SMARCAD1: variants seen among roughly 807,000 people sequenced by gnomAD.
SMARCAD1 encodes SNF2 related chromatin remodeling ATPase with DExD box 1, also known as SWI/SNF-related matrix-associated actin-dependent regulator of chromatin subfamily A containing DEAD/H box 1.
A neutral mutation model predicts 127.1 loss-of-function variants in SMARCAD1; 25 were observed. The ratio of observed to expected loss-of-function variants is 0.20; its 90% CI spans 0.14 to 0.27. The LOEUF is 0.27. SMARCAD1 is among the 10% of genes least tolerant of loss of function. SMARCAD1 has a pLI of 1.00. For synonymous variants in SMARCAD1, 400 were observed against 396.9 expected (o/e 1.01, Z -0.09); for missense variants, 807 against 1,206.0 (o/e 0.67, Z 4.90).
chr4:94,264,740 G>A lies in SMARCAD1; in HGVS notation c.1315G>A (p.Glu439Lys). Reference protein sequence around the residue: ...TKMSKTNGLSEDLIWHCKTLI... With the variant: ...TKMSKTNGLSKDLIWHCKTLI... ...GATGTCCAAAACTAATGGCTTATCA[G>A]AAGATTTGATATGGCACTGTAAAAC... The change falls in exon 10 of 24, where the codon GAA becomes AAA. Residue 439 changes from glutamate (E) to lysine (K), a missense_variant. Around this residue, in one of 8 missense-constraint regions of SMARCAD1, gnomAD observed 257 missense variants for 303.4 expected, o/e 0.85. Coordinates refer to ENST00000354268, the MANE Select transcript of SMARCAD1 (RefSeq NM_020159.5). The A allele has an allele frequency of 1.2e-6, 2 of 1,612,136 alleles. No homozygotes were observed. The highest frequency in any genetic ancestry group is 1.7e-4 in the Middle Eastern group (1 of 5,932).
intron 2 of SMARCAD1, among the ~76,000 whole-genome samples, chr4:94,208,924 A>C (rs990758447): frequency 2.0e-5 from 3 of 152,184 alleles, no homozygotes; most frequent in Non-Finnish European, 4.4e-5. Flanking sequence ...TTGGGCAGAC[A>C]TTTTCATTCA....
At chr4:94,258,504 C>T (rs1287436393) in intron 9 of SMARCAD1, among the ~76,000 whole-genome samples, 1 of 152,124 alleles carries the variant, frequency 6.6e-6, no homozygotes, top group African/African-American at 2.4e-5. Flanking sequence ...GGAATCTTAT[C>T]ACCTGCTCTG....
chr4:94,278,395 A>G, intron 16 of SMARCAD1, 27 bp from the exon 17 acceptor site: 1 of 1,560,910 alleles, frequency 6.4e-7, no homozygotes, highest in Non-Finnish European at 8.8e-7. Flanking sequence ...AATAATTCCT[A>G]AAAGGATATG....
chr4:94,267,452 G>A (rs1160641150), intron 10 of SMARCAD1, among the ~76,000 whole-genome samples: 3 of 152,078 alleles, frequency 2.0e-5, no homozygotes, highest in African/African-American at 7.2e-5. Context: ...CTCTAGCCCT[G>A]TATTTCTGTA....
intron 2 of SMARCAD1, among the ~76,000 whole-genome samples, chr4:94,213,317 T>C (rs1742587493): frequency 6.6e-6 from 1 of 152,140 alleles, no homozygotes; most frequent in South Asian, 2.1e-4. Context: ...TGGAGTGGAC[T>C]CTAAACAATG....
chr4:94,276,274 A>G, intron 14 of SMARCAD1, 65 bp from the exon 15 acceptor site: 1 of 1,574,860 alleles, frequency 6.3e-7, no homozygotes, highest in South Asian at 1.1e-5. Context: ...ATAAGACATT[A>G]AATTTCACTA....
chr4:94,253,320 G>A (rs1297716427), intron 9 of SMARCAD1: 3 of 1,345,220 alleles, frequency 2.2e-6, no homozygotes, highest in African/African-American at 2.9e-5. Flanking sequence ...CATTTAGGAA[G>A]GAGTTGTTTG....
intron 9 of SMARCAD1, among the ~76,000 whole-genome samples, chr4:94,257,679 G>GC (rs1024140406): frequency 1.3e-5 from 2 of 151,038 alleles, no homozygotes; most frequent in Non-Finnish European, 3.0e-5. Context: ...CTTGTTCTCC[G>GC]CCCCCACAAA....
rs1338209210 is a variant in SMARCAD1, at chr4:94,268,511, AC to A, written c.1482-2216del. On this transcript the variant is annotated intron_variant, in intron 10 of 23. Transcript: ENST00000354268. ...TTGTGAGCCTTATGTGAATAGGATG[AC>A]TAAAGAATTGGGAAGGATGCATAAA... Among the ~76,000 whole-genome samples, 6 of 152,226 alleles carry A rather than the reference AC, an allele frequency of 3.9e-5. No individual in the cohort carries two copies. In the South Asian group the frequency reaches 1.2e-3, roughly 32 times the overall value.
Position 94,290,571 on chromosome 4 carries a change from T to G in SMARCAD1, c.*1037T>G, listed in dbSNP as rs1755553438. On this transcript the variant is annotated 3_prime_UTR_variant, in exon 24 of 24. Transcript: ENST00000354268. ...ATATATTTTACCAGTTTCCAGAATTTCCAGTACAGGACCGCCTGAAGAGAG... is the reference window on the plus strand; with the variant it reads ...ATATATTTTACCAGTTTCCAGAATTGCCAGTACAGGACCGCCTGAAGAGAG... 2.2e-6 allele frequency: 1 copy of G among 454,388 alleles called. No individual in the cohort carries two copies. Among genetic ancestry groups the G allele is most frequent in the African/African-American group, 2.0e-5 (1 of 50,008 alleles). 28.1% of individuals were successfully genotyped at this position (454,388 alleles called of 1,614,324 possible). A position where few individuals can be genotyped will look rare whatever the true frequency, so the allele number is the denominator to read the frequency against.
At chr4:94,235,080 A>G (rs1746424581) in intron 4 of SMARCAD1, among the ~76,000 whole-genome samples, 1 of 152,094 alleles carries the variant, frequency 6.6e-6, no homozygotes, top group Admixed American at 6.6e-5. Flanking sequence ...CTATATTCCT[A>G]TGCCTAAAAT....
intron 9 of SMARCAD1, chr4:94,253,520 G>A: frequency 8.8e-7 from 1 of 1,129,952 alleles, no homozygotes; most frequent in South Asian, 2.0e-5. Flanking sequence ...TCTTCTAAAA[G>A]TAACAGCTCA....
chr4:94,214,560 C>T (rs573208580), intron 2 of SMARCAD1, among the ~76,000 whole-genome samples: 4 of 151,986 alleles, frequency 2.6e-5, no homozygotes, highest in Non-Finnish European at 4.4e-5. Flanking sequence ...GCCACCGCAC[C>T]TGGCCAAGCG....
intron 22 of SMARCAD1, among the ~76,000 whole-genome samples, chr4:94,283,942 C>T (rs1408022950): frequency 6.6e-6 from 1 of 152,136 alleles, no homozygotes; most frequent in Admixed American, 6.5e-5. Context: ...ACTTGCTGGG[C>T]TGTCCTGTTA....
At chr4:94,248,538 C>T (rs1252148973) in intron 6 of SMARCAD1, 1 of 456,028 alleles carries the variant, frequency 2.2e-6, no homozygotes, top group African/African-American at 2.0e-5. Context: ...ATGGTTTCTC[C>T]AGATGGGTTT....
intron 23 of SMARCAD1, 74 bp downstream of exon 23, chr4:94,285,143 T>A (rs1754749726): frequency 1.0e-6 from 1 of 957,316 alleles, no homozygotes; most frequent in African/African-American, 1.6e-5. Context: ...TGCAAGAGGA[T>A]GACAAAGATG....
chr4:94,239,046 A>G (rs1407547889), intron 5 of SMARCAD1, among the ~76,000 whole-genome samples: 1 of 152,204 alleles, frequency 6.6e-6, no homozygotes, highest in Non-Finnish European at 1.5e-5. Context: ...AAAATGTTAA[A>G]TGGCAAATTA....
At chr4:94,228,508 A>G (rs913450500) in intron 3 of SMARCAD1, among the ~76,000 whole-genome samples, 12 of 152,120 alleles carry the variant, frequency 7.9e-5, no homozygotes, top group African/African-American at 9.7e-5. Flanking sequence ...TCATATTTCA[A>G]TTTTGCCAGT....
chr4:94,288,563 T>G (rs1017833622), intron 23 of SMARCAD1, among the ~76,000 whole-genome samples: 16 of 152,072 alleles, frequency 1.1e-4, no homozygotes, highest in Admixed American at 2.0e-4. Context: ...TATATGTGTT[T>G]TGTTTTGTTT....
Sources: gnomAD v4.1 joint callset for allele counts (sites outside exome capture counted in the v4.1 genomes callset) on GRCh38, gnomAD v4.1.1 for gene constraint, gnomAD v4.1.1 regional missense constraint, MANE v1.5 for transcripts, NCBI Gene and HGNC (gene_info 2026-07-23, HGNC 2026-07-21) for gene names.